EVL: variants seen among roughly 807,000 people sequenced by gnomAD.
The protein encoded by EVL is Enah/Vasp-like.
Under a neutral mutation model 59.6 loss-of-function variants are expected in EVL, and 21 were observed. The observed-to-expected ratio is 0.35, with a 90% CI of 0.25 to 0.51. The LOEUF (loss-of-function observed/expected upper bound fraction) is 0.51. Ranked by LOEUF, EVL falls within the 20% of genes least tolerant of loss-of-function variation. EVL has a pLI of 0.97. For missense variants in EVL, 462 were observed against 546.6 expected (o/e 0.85, Z 1.54); for synonymous variants, 198 against 203.5 (o/e 0.97, Z 0.23).
chr14:100,062,918 C>A (rs1475990043), upstream of EVL, among the ~76,000 whole-genome samples: 1 of 152,022 alleles, frequency 6.6e-6, no homozygotes, highest in Non-Finnish European at 1.5e-5. Flanking sequence ...CATAGCAAGA[C>A]CCCATCTCTA....
intron 1 of EVL, among the ~76,000 whole-genome samples, chr14:100,079,881 C>A (rs191990820): frequency 7.9e-5 from 12 of 152,150 alleles, no homozygotes; most frequent in African/African-American, 2.6e-4. Flanking sequence ...CACGGAGGGC[C>A]GTGCTGCAAG....
intron 1 of EVL, among the ~76,000 whole-genome samples, chr14:100,003,558 A>G (rs2060959277): frequency 2.0e-5 from 3 of 152,086 alleles, no homozygotes; most frequent in Admixed American, 2.0e-4. Flanking sequence ...CTGGGATTAC[A>G]GGCATGTGCC....
At chr14:99,998,823 A>C (rs1269839636) in intron 1 of EVL, among the ~76,000 whole-genome samples, 3 of 152,140 alleles carry the variant, frequency 2.0e-5, no homozygotes, top group Non-Finnish European at 4.4e-5. Context: ...AAGATACATA[A>C]TGTTGCCCCA....
chr14:100,042,405 G>C (rs749101095), intron 1 of EVL, among the ~76,000 whole-genome samples: 3 of 152,198 alleles, frequency 2.0e-5, no homozygotes, highest in Non-Finnish European at 4.4e-5. Context: ...CCAGACTTAC[G>C]TGATATTCTT....
At chr14:100,141,302 G>GA in intron 12 of EVL, 56 bp downstream of exon 12, 1 of 1,580,998 alleles carries the variant, frequency 6.3e-7, no homozygotes, top group Non-Finnish European at 8.6e-7. Context: ...GCAGGCGGGG[G>GA]ACCGTCTCTG....
intron 1 of EVL, among the ~76,000 whole-genome samples, chr14:100,078,727 AAAG>A (rs2062222996): frequency 6.6e-6 from 1 of 152,094 alleles, no homozygotes. Context: ...GGTGAAAGAT[AAAG>A]GAGTTCCCAG....
intron 1 of EVL, among the ~76,000 whole-genome samples, chr14:99,983,653 C>G (rs112330047): frequency 2.0e-5 from 3 of 152,154 alleles, no homozygotes; most frequent in Admixed American, 2.0e-4. Flanking sequence ...GTTTATTGCA[C>G]TTATCTTCTC....
intron 1 of EVL, among the ~76,000 whole-genome samples, chr14:99,974,182 A>G (rs963346571): frequency 1.3e-5 from 2 of 152,228 alleles, no homozygotes; most frequent in African/African-American, 4.8e-5. Context: ...CAGTTATACA[A>G]CCATTACCAC....
At chr14:100,060,987 A>C (rs912070681), upstream of EVL, among the ~76,000 whole-genome samples, 3 of 151,578 alleles carry the variant, frequency 2.0e-5, no homozygotes, top group Non-Finnish European at 4.4e-5. Context: ...AAAAAAAAAA[A>C]CCTCAGTATT....
chr14:100,132,927 C>T (rs767414543), intron 8 of EVL, 148 bp downstream of exon 8: 9 of 861,734 alleles, frequency 1.0e-5, no homozygotes, highest in Admixed American at 8.2e-5. Context: ...AGGGTCTCTG[C>T]GGTGCTTGTC....
intron 1 of EVL, among the ~76,000 whole-genome samples, chr14:100,044,625 C>T (rs888432784): frequency 2.0e-5 from 3 of 151,962 alleles, no homozygotes; most frequent in African/African-American, 7.3e-5. Flanking sequence ...CCAAGGAGTG[C>T]CACAGGCAGA....
chr14:100,083,323 A>G (rs2062354254), intron 1 of EVL, among the ~76,000 whole-genome samples: 1 of 152,138 alleles, frequency 6.6e-6, no homozygotes, highest in African/African-American at 2.4e-5. Flanking sequence ...ATTGGGATAG[A>G]ACTGTGATTT....
chr14:100,134,405 C>T (rs1888638740), intron 8 of EVL, among the ~76,000 whole-genome samples: 1 of 152,190 alleles, frequency 6.6e-6, no homozygotes, highest in Non-Finnish European at 1.5e-5. Context: ...ATTCTTGAAA[C>T]CTTCAACCCC....
At chr14:100,005,700 A>G (rs760961609) in intron 1 of EVL, among the ~76,000 whole-genome samples, 2 of 151,640 alleles carry the variant, frequency 1.3e-5, no homozygotes, top group African/African-American at 4.9e-5. Context: ...AATTAAACTG[A>G]CTTTTAACCA....
At chr14:100,111,855 G>A (rs1887015759) in intron 3 of EVL, among the ~76,000 whole-genome samples, 1 of 152,216 alleles carries the variant, frequency 6.6e-6, no homozygotes, top group African/African-American at 2.4e-5. Flanking sequence ...AAGGCCCAGA[G>A]CCCAGATGTT....
chr14:100,124,953 C>T (rs1388942976), intron 4 of EVL, among the ~76,000 whole-genome samples: 1 of 151,998 alleles, frequency 6.6e-6, no homozygotes, highest in African/African-American at 2.4e-5. Flanking sequence ...CAGACGAGAC[C>T]ACGTACGGAC....
intron 1 of EVL, among the ~76,000 whole-genome samples, chr14:100,042,096 T>C (rs1407010161): frequency 6.6e-6 from 1 of 152,262 alleles, no homozygotes; most frequent in African/African-American, 2.4e-5. Flanking sequence ...GTATCCATAA[T>C]ATAATTTCAA....
intron 4 of EVL, among the ~76,000 whole-genome samples, chr14:100,125,441 A>G (rs1888011866): frequency 6.6e-6 from 1 of 152,062 alleles, no homozygotes; most frequent in South Asian, 2.1e-4. Flanking sequence ...TCATTTTACC[A>G]TGGTGTTCTA....
At chr14:100,054,785 G>A (rs1440626791) in intron 1 of EVL, among the ~76,000 whole-genome samples, 1 of 152,022 alleles carries the variant, frequency 6.6e-6, no homozygotes, top group African/African-American at 2.4e-5. Flanking sequence ...ATTTTGTGGG[G>A]GAACTGTGAA....
Sources: allele counts gnomAD v4.1 joint callset (sites outside exome capture counted in the v4.1 genomes callset), GRCh38; gene constraint gnomAD v4.1.1; transcripts MANE v1.5; gene names NCBI Gene and HGNC (gene_info 2026-07-23, HGNC 2026-07-21).